PHLDB1: variants seen among roughly 807,000 people sequenced by gnomAD.
PHLDB1 encodes the protein pleckstrin homology-like domain family B member 1.
A neutral mutation model predicts 139.3 loss-of-function variants in PHLDB1; 65 were observed. That is an observed-to-expected ratio of 0.47 (90% CI 0.38 to 0.57). The LOEUF (loss-of-function observed/expected upper bound fraction) is 0.57, where lower values mean the gene tolerates loss of function less well. PHLDB1 is among the 20% of genes least tolerant of loss of function. The pLI, the probability that PHLDB1 is intolerant of heterozygous loss-of-function variation, is 0.00. For missense variants in PHLDB1, 1,624 were observed against 1,839.7 expected (o/e 0.88, Z 2.14); for synonymous variants, 679 against 734.5 (o/e 0.92, Z 1.22).
intron 4 of PHLDB1, chr11:118,621,401 C>T (rs1555094757): frequency 6.6e-6 from 1 of 152,146 alleles, no homozygotes; most frequent in Admixed American, 6.5e-5. Context: ...GGCGGCTGCT[C>T]GCTGCCTCGC....
Position 118,631,354 on chromosome 11 carries a change from G to T in PHLDB1, c.1975G>T (p.Gly659Trp). 1 of 1,536,736 alleles carries T rather than the reference G, an allele frequency of 6.5e-7. No individual in the cohort carries two copies. The highest frequency in any genetic ancestry group is 2.1e-5 in the Admixed American group (1 of 47,770). ...AGRRPSRGLA[G>W]ASGRSSEEPG... is the part of the protein sequence containing the mutation. ...CCGGAGGCCCTCACGAGGCCTTGCAGGGGCCTCTGGGCGGAGCAGCGAGGA... is the reference window on the plus strand; with the variant it reads ...CCGGAGGCCCTCACGAGGCCTTGCATGGGCCTCTGGGCGGAGCAGCGAGGA... Residue 659 changes from glycine (G) to tryptophan (W), a missense_variant, in exon 7 of 23, where the codon GGG becomes TGG. By Grantham distance (184) the Gly-to-Trp change is radical (BLOSUM62 -2). Transcript: ENST00000600882.
intron 12 of PHLDB1, chr11:118,639,660 A>T (rs1946205920): frequency 4.4e-6 from 1 of 228,598 alleles, no homozygotes; most frequent in South Asian, 9.9e-5. Context: ...GTCTCAGAAG[A>T]GGATATTGAG....
At position 118,620,255 on chromosome 11, in the gene PHLDB1, G is replaced by A. The variant is rs1458532410; in HGVS notation, c.355+4044G>A. Among the ~76,000 whole-genome samples, 1 of 152,226 alleles carries A rather than the reference G, an allele frequency of 6.6e-6. No homozygotes were observed. Among genetic ancestry groups the A allele is most frequent in the Admixed American group, 6.5e-5 (1 of 15,286 alleles). On this transcript the variant is annotated intron_variant, in intron 4 of 22. Transcript: ENST00000600882. This position sits in a 1 kb window ranked among gnomAD's most constrained non-coding sequence, Gnocchi z 4.1. ...CGCCTGTAATCCCAACACTTTGGGA[G>A]GCCGAGGCGGGCAGATCACCTGAGG...
chr11:118,631,381 C>T lies in PHLDB1; in HGVS notation c.2002C>T (p.Pro668Ser). Reference protein sequence around the residue: ...AGASGRSSEEPGVATQRLWES... With the variant: ...AGASGRSSEESGVATQRLWES... Reference sequence around the variant, plus strand: ...GGCCTCTGGGCGGAGCAGCGAGGAGCCTGGCGTTGCCACCCAACGCCTATG... The same window carrying T: ...GGCCTCTGGGCGGAGCAGCGAGGAGTCTGGCGTTGCCACCCAACGCCTATG... The change falls in exon 7 of 23, where the codon CCT becomes TCT. Residue 668 changes from proline (P) to serine (S), a missense_variant. Physicochemically the swap from Pro to Ser is moderately conservative, Grantham distance 74 (BLOSUM62 -1). Coordinates refer to ENST00000600882, the MANE Select transcript of PHLDB1 (RefSeq NM_001144758.3). 1 of 1,509,314 alleles carries T rather than the reference C, an allele frequency of 6.6e-7. No individual in the cohort carries two copies. The highest frequency in any genetic ancestry group is 8.8e-7 in the Non-Finnish European group (1 of 1,130,314). 93.5% of individuals were successfully genotyped at this position (1,509,314 alleles called of 1,614,324 possible). A position where few individuals can be genotyped will look rare whatever the true frequency, so the allele number is the denominator to read the frequency against.
chr11:118,635,643 T>TGA, intron 10 of PHLDB1, 95 bp downstream of exon 10: 1 of 1,123,904 alleles, frequency 8.9e-7, no homozygotes, highest in Non-Finnish European at 1.2e-6. Context: ...TCGTCTTTTG[T>TGA]GCCTGGATTT....
chr11:118,657,004 A>G lies in PHLDB1; in HGVS notation c.*181A>G, dbSNP rs1160343659. ...AGCCCAGAACTTGCAGTAACCCTTT[A>G]GGGTCCTGCCCCAGGCCCAGCCAGG... On this transcript the variant is annotated 3_prime_UTR_variant, in exon 23 of 23. Transcript: ENST00000600882. 1.2e-5 allele frequency: 7 copies of G among 563,778 alleles called. No individual in the cohort carries two copies. Among genetic ancestry groups the G allele is most frequent in the African/African-American group, 1.9e-5 (1 of 53,440 alleles). 34.9% of individuals were successfully genotyped at this position (563,778 alleles called of 1,614,324 possible). A position where few individuals can be genotyped will look rare whatever the true frequency, so the allele number is the denominator to read the frequency against.
At chr11:118,622,310 G>T (rs1290991848) in intron 4 of PHLDB1, among the ~76,000 whole-genome samples, 1 of 152,196 alleles carries the variant, frequency 6.6e-6, no homozygotes. Context: ...GACCCCTGGG[G>T]GCTGTAGGGG....
chr11:118,609,820 G>A (rs1307415347), intron 1 of PHLDB1, among the ~76,000 whole-genome samples: 1 of 152,226 alleles, frequency 6.6e-6, no homozygotes, highest in Non-Finnish European at 1.5e-5. Context: ...GCAAGGGGCC[G>A]CTACCTTGCG....
rs1482333304 is a variant in PHLDB1 at position 118,627,450 on chromosome 11, T to C, written c.627T>C (p.Pro209=). 5 of 1,614,198 alleles carry C rather than the reference T, an allele frequency of 3.1e-6. No homozygotes were observed. The highest frequency in any genetic ancestry group is 4.2e-6 in the Non-Finnish European group (5 of 1,180,028). The change falls in exon 6 of 23, where the codon CCT becomes CCC. Residue 209 remains proline, a synonymous_variant. Transcript: ENST00000600882. ...EIMDSLVLEE[P]GAAGKKPAAT... is the part of the protein sequence containing the mutation. ...TGGACTCACTGGTGCTAGAGGAGCC[T>C]GGAGCTGCTGGCAAGAAGCCTGCCG...
Position 118,627,765 on chromosome 11 carries a change from C to T in PHLDB1, c.942C>T (p.Ser314=). 1.2e-6 allele frequency: 2 copies of T among 1,607,098 alleles called. No homozygotes were observed. The highest frequency in any genetic ancestry group is 1.7e-6 in the Non-Finnish European group (2 of 1,179,838). The change falls in exon 6 of 23, where the codon AGC becomes AGT. Residue 314 remains serine (S), a synonymous_variant. Transcript: ENST00000600882. ...SGARSESPRL[S]RKGGHERPPS... ...CTCGCTCCGAGAGTCCTCGGCTGAG[C>T]AGGAAAGGGGGCCATGAGAGGCCTC... is the stretch of plus-strand genomic sequence containing the variant.
In PHLDB1 at chr11:118,657,125, TA is replaced by T. The variant is rs1949150197; in HGVS notation, c.*304del. The T allele has an allele frequency of 9.1e-6, 2 of 219,548 alleles. No individual in the cohort carries two copies. The highest frequency in any genetic ancestry group is 2.4e-4 in the South Asian group (2 of 8,196). The allele number at this position is 219,548 out of a possible 1,614,324, so 13.6% of individuals were successfully genotyped here. A position where few individuals can be genotyped will look rare whatever the true frequency, so the allele number is the denominator to read the frequency against. On this transcript the variant is annotated 3_prime_UTR_variant, in exon 23 of 23. Coordinates refer to ENST00000600882, the MANE Select transcript of PHLDB1 (RefSeq NM_001144758.3). ...TTCTAAAAGACAAATTATGGTACCA[TA>T]AGCTGCCAAAGATCCCCTCCTGCCT...
At chr11:118,634,300 C>T (rs1245136880) in intron 9 of PHLDB1, 1 of 152,284 alleles carries the variant, frequency 6.6e-6, no homozygotes, top group Non-Finnish European at 1.5e-5. Flanking sequence ...CGACCCTGGG[C>T]AGGAGGGGAG....
At chr11:118,635,104 A>C in intron 9 of PHLDB1, 7 of 520,132 alleles carry the variant, frequency 1.3e-5, no homozygotes, top group East Asian at 3.9e-5. Context: ...CCCCAGAAGG[A>C]AGAGAGGAGA....
intron 4 of PHLDB1, among the ~76,000 whole-genome samples, chr11:118,619,666 A>AT (rs1207061046): frequency 6.6e-6 from 1 of 151,646 alleles, no homozygotes; most frequent in Non-Finnish European, 1.5e-5. Context: ...TCCTGAGGAG[A>AT]TTTTTTTTAA....
chr11:118,609,980 G>C (rs34026809), intron 1 of PHLDB1, among the ~76,000 whole-genome samples: 5,065 of 151,514 alleles, frequency 0.033, 119 homozygotes, highest in Non-Finnish European at 0.049. Context: ...TTGGGGTCCC[G>C]GTGGGCCCCA....
In PHLDB1 at chr11:118,644,167, G is replaced by A. The variant is rs782342740; in HGVS notation, c.3114G>A (p.Gln1038=). 1 of 1,609,926 alleles carries A rather than the reference G, an allele frequency of 6.2e-7. No individual in the cohort carries two copies. The highest frequency in any genetic ancestry group is 1.7e-5 in the Admixed American group (1 of 59,898). Residue 1038 remains glutamine, a synonymous_variant, in exon 15 of 23, where the codon CAG becomes CAA. Transcript: ENST00000600882. The part of the protein sequence containing the change: ...DIETKRQLAL[Q]QKGQQVIEEQ... ...AGACCAAGCGCCAACTAGCTCTGCA[G>A]CAGAAGGGTGAGTGACTGCCCCGCC...
In PHLDB1 at chr11:118,650,407, G is replaced by A. The variant is rs1555135173; in HGVS notation, c.3772-38G>A. The A allele has an allele frequency of 1.5e-6, 2 of 1,374,220 alleles. No homozygotes were observed. Among genetic ancestry groups the A allele is most frequent in the South Asian group, 1.2e-5 (1 of 86,366 alleles). The allele number at this position is 1,374,220 out of a possible 1,614,324, so 85.1% of individuals were successfully genotyped here. On this transcript the variant is annotated intron_variant, in intron 19 of 22. Coordinates refer to ENST00000600882, the MANE Select transcript of PHLDB1 (RefSeq NM_001144758.3). This position sits in a 1 kb window ranked among gnomAD's most constrained non-coding sequence, Gnocchi z 4.7. ...GGCACACACTTAAGGCTTAAGGGCT[G>A]CATATTTGGGTCCTTCCTTACTCCT...
At chr11:118,622,464 G>T (rs938948020) in intron 4 of PHLDB1, among the ~76,000 whole-genome samples, 2 of 152,218 alleles carry the variant, frequency 1.3e-5, no homozygotes, top group South Asian at 4.1e-4. Flanking sequence ...ACTATTTATA[G>T]CCCAGAGGCA....
At position 118,650,818 on chromosome 11, in the gene PHLDB1, A is replaced by AC; in HGVS notation, c.3874+272dup. 1 of 490,814 alleles carries AC rather than the reference A, an allele frequency of 2.0e-6. No homozygotes were observed. Among genetic ancestry groups the AC allele is most frequent in the Non-Finnish European group, 3.7e-6 (1 of 271,112 alleles). The allele number at this position is 490,814 out of a possible 1,614,324, so 30.4% of individuals were successfully genotyped here. A position where few individuals can be genotyped will look rare whatever the true frequency, so the allele number is the denominator to read the frequency against. On this transcript the variant is annotated intron_variant, in intron 20 of 22. Coordinates refer to ENST00000600882, the MANE Select transcript of PHLDB1 (RefSeq NM_001144758.3). The surrounding 1 kb of genome is among the most constrained non-coding windows in gnomAD (Gnocchi z 4.7). Reference sequence around the variant, plus strand: ...GGCTCTGGTGATGAGTAAGATGGCCACAGCGCTCTCATGGAGCTTATAATC... The same window carrying AC: ...GGCTCTGGTGATGAGTAAGATGGCCACCAGCGCTCTCATGGAGCTTATAATC...
Sources: gnomAD v4.1 joint callset for allele counts (sites outside exome capture counted in the v4.1 genomes callset) on GRCh38, gnomAD v4.1.1 for gene constraint, Gnocchi (gnomAD v3.1) non-coding constraint, MANE v1.5 for transcripts, NCBI Gene and HGNC (gene_info 2026-07-23, HGNC 2026-07-21) for gene names.